RAB36: variants seen among roughly 807,000 people sequenced by gnomAD.
The protein encoded by RAB36 is ras-related protein Rab-36.
A neutral mutation model predicts 39.3 loss-of-function variants in RAB36; 33 were observed. That is an observed-to-expected ratio of 0.84 (90% CI 0.64 to 1.12). RAB36 has a LOEUF of 1.12. Among genes scored for constraint, RAB36 ranks in the 50% most tolerant of loss-of-function variants. The pLI is 0.00. For missense variants in RAB36, 308 were observed against 355.3 expected (o/e 0.87, Z 1.07); for synonymous variants, 133 against 140.2 (o/e 0.95, Z 0.36).
At chr22:23,156,147 C>CAACA (rs56396215) in intron 6 of RAB36, 115 bp downstream of exon 6, 2 of 870,078 alleles carry the variant, frequency 2.3e-6, no homozygotes, top group Admixed American at 2.8e-5. Flanking sequence ...TCCTCCAAGA[C>CAACA]CCACTGAGAA....
At chr22:23,158,174 A>G in intron 7 of RAB36, 131 bp downstream of exon 7, 2 of 1,512,446 alleles carry the variant, frequency 1.3e-6, no homozygotes, top group Middle Eastern at 2.2e-4. Flanking sequence ...TGTCAGAACC[A>G]GCTGCCCACG....
intron 9 of RAB36, 139 bp downstream of exon 9, chr22:23,159,392 C>G (rs897843722): frequency 1.2e-6 from 1 of 826,854 alleles, no homozygotes; most frequent in African/African-American, 1.7e-5. Context: ...GGCATCACAG[C>G]CCTGCTGTGC....
chr22:23,158,920 A>G lies in RAB36; in HGVS notation c.469A>G (p.Arg157Gly). 2 of 1,614,122 alleles carry G rather than the reference A, an allele frequency of 1.2e-6. No homozygotes were observed. Among genetic ancestry groups the G allele is most frequent in the Non-Finnish European group, 1.7e-6 (2 of 1,179,994 alleles). Residue 157 changes from arginine (R) to glycine (G), a missense_variant, in exon 8 of 11, where the codon AGG (arginine) becomes GGG (glycine). Arg to Gly is a moderately radical substitution (Grantham distance 125, BLOSUM62 -2). Coordinates refer to ENST00000263116, the MANE Select transcript of RAB36 (RefSeq NM_004914.5). ...CAGGCAGTGGTTGGAGGATGCTCTG[A>G]GGGAGAACGAGGCAGGCTCCTGCTT... ...HTRQWLEDALRENEAGSCFIF... is the reference protein window; with the variant it reads ...HTRQWLEDALGENEAGSCFIF...
intron 5 of RAB36, among the ~76,000 whole-genome samples, chr22:23,155,387 G>T (rs1481971509): frequency 6.6e-6 from 1 of 152,184 alleles, no homozygotes; most frequent in Non-Finnish European, 1.5e-5. Flanking sequence ...TTTCCATGGA[G>T]CCAGGGCTTT....
chr22:23,162,237 G>T lies in RAB36; in HGVS notation c.*673G>T, dbSNP rs147895550. 112 of 211,724 alleles carry T rather than the reference G, an allele frequency of 5.3e-4. 1 individual carries two copies. The highest frequency in any genetic ancestry group is 2.5e-3 in the African/African-American group (109 of 43,658). 13.1% of individuals were successfully genotyped at this position (211,724 alleles called of 1,614,324 possible). On this transcript the variant is annotated 3_prime_UTR_variant, in exon 11 of 11. Coordinates refer to ENST00000263116, the MANE Select transcript of RAB36 (RefSeq NM_004914.5). ...GAAGGGCTATCTCTGGCACCTCTGA[G>T]ATCCCTAGGTCCTGCCCTCCTGGTC...
At chr22:23,156,857 C>A (rs931385868) in intron 6 of RAB36, among the ~76,000 whole-genome samples, 1 of 152,168 alleles carries the variant, frequency 6.6e-6, no homozygotes, top group Admixed American at 6.5e-5. Context: ...ATAAGAGGTG[C>A]GAGGCGCCTG....
At chr22:23,145,694 G>T (rs1031914016) in intron 1 of RAB36, 143 bp downstream of exon 1, 1 of 1,066,300 alleles carries the variant, frequency 9.4e-7, no homozygotes, top group Non-Finnish European at 1.3e-6. Flanking sequence ...GCCCCGGGGC[G>T]TCCTCATTTC....
In RAB36 at chr22:23,158,988, AG is replaced by A; in HGVS notation, c.528+10del. 6.2e-7 allele frequency: 1 copy of A among 1,613,686 alleles called. No homozygotes were observed. The highest frequency in any genetic ancestry group is 8.5e-7 in the Non-Finnish European group (1 of 1,179,618). Reference sequence around the variant, plus strand: ...CCAAGAAGGACCTTCTGGTGAGCAGAGTGGCACTGGTGGTCTGGGTGGCCCT... The same window carrying A: ...CCAAGAAGGACCTTCTGGTGAGCAGATGGCACTGGTGGTCTGGGTGGCCCT... On this transcript the variant is annotated intron_variant, in intron 8 of 10. Transcript: ENST00000263116.
At chr22:23,151,059 G>A (rs530422743) in intron 3 of RAB36, among the ~76,000 whole-genome samples, 5 of 152,268 alleles carry the variant, frequency 3.3e-5, no homozygotes, top group Non-Finnish European at 7.3e-5. Context: ...TTCCTAAGGA[G>A]CTCATAGTCT....
intron 9 of RAB36, among the ~76,000 whole-genome samples, chr22:23,160,526 G>A (rs970942795): frequency 2.6e-5 from 4 of 152,234 alleles, no homozygotes; most frequent in African/African-American, 4.8e-5. Flanking sequence ...GCACATATCT[G>A]TCCTGAGTTC....
downstream of RAB36, among the ~76,000 whole-genome samples, chr22:23,168,647 A>G (rs988681671): frequency 1.1e-4 from 17 of 152,226 alleles, no homozygotes; most frequent in African/African-American, 3.1e-4. Flanking sequence ...ATGAGCAGCC[A>G]GGACGTATGA....
chr22:23,156,211 G>T, intron 6 of RAB36, 179 bp downstream of exon 6: 2 of 571,844 alleles, frequency 3.5e-6, no homozygotes, highest in South Asian at 4.1e-5. Flanking sequence ...CCAGGCACTG[G>T]CTGACTTTGG....
downstream of RAB36, among the ~76,000 whole-genome samples, chr22:23,166,085 G>T (rs916282473): frequency 5.2e-4 from 74 of 141,910 alleles, 1 homozygote; most frequent in African/African-American, 1.9e-3. Context: ...GGTGGAAGTT[G>T]CAGTGAGCCG....
At chr22:23,160,801 G>A in intron 9 of RAB36, 78 bp from the exon 10 acceptor site, 1 of 1,555,432 alleles carries the variant, frequency 6.4e-7, no homozygotes. Flanking sequence ...GGGTAGGCTA[G>A]CCTGGCTTTC....
downstream of RAB36, among the ~76,000 whole-genome samples, chr22:23,167,703 ATTAAT>A (rs796855975): frequency 0.03 from 4,573 of 151,880 alleles, 226 homozygotes; most frequent in African/African-American, 0.11. Context: ...TCTTTTTTTA[ATTAAT>A]TTATTTTTTT....
chr22:23,167,473 C>T (rs577699978), downstream of RAB36, among the ~76,000 whole-genome samples: 9 of 152,270 alleles, frequency 5.9e-5, no homozygotes, highest in African/African-American at 2.2e-4. Flanking sequence ...TCCTCCCAGC[C>T]CTGCTGCAGG....
chr22:23,169,117 T>C (rs557205549), downstream of RAB36, among the ~76,000 whole-genome samples: 23 of 152,336 alleles, frequency 1.5e-4, no homozygotes, highest in African/African-American at 5.5e-4. Context: ...GTGGAGTTCC[T>C]GAGGAGGGGC....
chr22:23,147,040 G>A (rs573340752), intron 2 of RAB36, among the ~76,000 whole-genome samples: 5 of 152,276 alleles, frequency 3.3e-5, no homozygotes, highest in Non-Finnish European at 5.9e-5. Context: ...CATATTGGGT[G>A]CCTGGCTCAT....
Position 23,164,801 on chromosome 22 carries a change from G to A in RAB36, c.*3237G>A, listed in dbSNP as rs926092223. Reference sequence around the variant, plus strand: ...CACCTGTCTCTTCTGCTGGAGACACGTACCTGAAGCAGGTCCTCTCCTGTC... The same window carrying A: ...CACCTGTCTCTTCTGCTGGAGACACATACCTGAAGCAGGTCCTCTCCTGTC... On this transcript the variant is annotated 3_prime_UTR_variant, in exon 11 of 11. Transcript: ENST00000263116. 1.2e-4 allele frequency among the ~76,000 whole-genome samples: 18 copies of A among 152,026 alleles called. No homozygotes were observed. Among genetic ancestry groups the A allele is most frequent in the African/African-American group, 4.4e-4 (18 of 41,370 alleles).
Sources: allele counts gnomAD v4.1 joint callset (sites outside exome capture counted in the v4.1 genomes callset), GRCh38; gene constraint gnomAD v4.1.1; transcripts MANE v1.5; gene names NCBI Gene and HGNC (gene_info 2026-07-23, HGNC 2026-07-21).